KTN1: variants seen among roughly 807,000 people sequenced by gnomAD.
KTN1 encodes the protein kinectin.
A neutral mutation model predicts 222.5 loss-of-function variants in KTN1; 130 were observed. The ratio of observed to expected loss-of-function variants is 0.58; its 90% CI spans 0.51 to 0.68. KTN1 has a LOEUF of 0.68. KTN1 is among the 30% of genes least tolerant of loss of function. KTN1 has a pLI of 0.00. For synonymous variants in KTN1, 512 were observed against 496.3 expected, an observed-to-expected ratio of 1.03 and a Z score of -0.42; for missense variants, 1,508 against 1,500.4, an observed-to-expected ratio of 1.01 and a Z score of -0.08.
At chr14:55,644,464 C>G in intron 18 of KTN1, 1 of 695,370 alleles carries the variant, frequency 1.4e-6, no homozygotes, top group Non-Finnish European at 2.6e-6. Flanking sequence ...CTGTTGATAC[C>G]CTAAAGGAGG....
At chr14:55,623,639 A>AG (rs1232036162) in intron 5 of KTN1, among the ~76,000 whole-genome samples, 1 of 152,176 alleles carries the variant, frequency 6.6e-6, no homozygotes, top group Non-Finnish European at 1.5e-5. Flanking sequence ...CCAAAGTGCT[A>AG]GGATTACAGG....
In KTN1 at chr14:55,661,549, T is replaced by A; in HGVS notation, c.3027T>A (p.Ser1009Arg). The change falls in exon 32 of 44, where the codon AGT becomes AGA. Residue 1009 changes from serine to arginine, a missense_variant. Ser to Arg is a moderately radical substitution (Grantham distance 110, BLOSUM62 -1). Coordinates refer to ENST00000395314, the MANE Select transcript of KTN1 (RefSeq NM_001079521.2). Reference protein sequence around the residue: ...KVISEREKEISGLWNELDSLK... With the variant: ...KVISEREKEIRGLWNELDSLK... ...TTTCAGAAAGAGAGAAAGAAATAAGTGGTCTCTGGAATGAGTTAGATTCTT... is the reference window on the plus strand; with the variant it reads ...TTTCAGAAAGAGAGAAAGAAATAAGAGGTCTCTGGAATGAGTTAGATTCTT... 1.2e-6 allele frequency: 2 copies of A among 1,601,816 alleles called. No individual in the cohort carries two copies. Among genetic ancestry groups the A allele is most frequent in the Non-Finnish European group, 1.7e-6 (2 of 1,169,316 alleles).
chr14:55,647,420 A>AG (rs1047930413), intron 19 of KTN1, among the ~76,000 whole-genome samples: 3 of 150,684 alleles, frequency 2.0e-5, no homozygotes, highest in African/African-American at 7.4e-5. Flanking sequence ...GGATCACCTG[A>AG]GGTCAGGGGT....
At chr14:55,633,376 G>T in intron 8 of KTN1, 35 bp downstream of exon 8, 1 of 1,224,074 alleles carries the variant, frequency 8.2e-7, no homozygotes, top group South Asian at 1.6e-5. Flanking sequence ...TTAATTGAAT[G>T]GCAGAGTATT....
Position 55,634,591 on chromosome 14 carries a change from A to C in KTN1, c.1394A>C (p.Lys465Thr). 1.2e-6 allele frequency: 2 copies of C among 1,613,988 alleles called. No individual in the cohort carries two copies. The highest frequency in any genetic ancestry group is 1.7e-6 in the Non-Finnish European group (2 of 1,179,894). ...AGGTTGGTGAATGAGCTGACTGAGA[A>C]AACAGGAAAGCTACAGCAAGAGGAA... is the stretch of plus-strand genomic sequence containing the variant. The part of the protein sequence containing the change: ...YARLVNELTE[K>T]TGKLQQEEVQ... The change falls in exon 9 of 44, where the codon AAA becomes ACA. Residue 465 changes from lysine (K) to threonine (T), a missense_variant. Lys to Thr is a moderately conservative substitution (Grantham distance 78, BLOSUM62 -1). Transcript: ENST00000395314.
At chr14:55,645,029 G>C (rs910012134) in intron 18 of KTN1, among the ~76,000 whole-genome samples, 1 of 152,110 alleles carries the variant, frequency 6.6e-6, no homozygotes, top group African/African-American at 2.4e-5. Context: ...TCCTAATATG[G>C]AGATAGATAT....
At chr14:55,622,337 G>A (rs35560341) in intron 5 of KTN1, among the ~76,000 whole-genome samples, 34,596 of 151,918 alleles carry the variant, frequency 0.23, 4,344 homozygotes, top group East Asian at 0.38. Context: ...TGTTGTGTTT[G>A]TAATAGTACT....
chr14:55,601,190 A>G (rs2035922457), intron 1 of KTN1, among the ~76,000 whole-genome samples: 1 of 152,252 alleles, frequency 6.6e-6, no homozygotes, highest in Admixed American at 6.5e-5. Flanking sequence ...AGTTGTATTC[A>G]TTTCACATTG....
At position 55,612,580 on chromosome 14, in the gene KTN1, A is replaced by T; in HGVS notation, c.523+9A>T. The T allele has an allele frequency of 6.5e-7, 1 of 1,543,172 alleles. No homozygotes were observed. The highest frequency in any genetic ancestry group is 1.3e-5 in the South Asian group (1 of 78,198). ...GTCTAAAAATGGAAGCGGTATTGTA[A>T]TCTATTTAATCTATTTAATTTTATT... On this transcript the variant is annotated intron_variant, in intron 2 of 43. Transcript: ENST00000395314.
At chr14:55,651,658 G>C in intron 24 of KTN1, 1 of 497,702 alleles carries the variant, frequency 2.0e-6, no homozygotes, top group East Asian at 3.4e-5. Context: ...ACATTAGTTA[G>C]ACTTATTATT....
chr14:55,659,735 AGTC>A (rs1204967401), intron 31 of KTN1, 32 bp downstream of exon 31: 3 of 1,260,896 alleles, frequency 2.4e-6, no homozygotes, highest in Non-Finnish European at 3.5e-6. Context: ...CAGTTTATAA[AGTC>A]GTAACTATTT....
Position 55,678,428 on chromosome 14 carries a change from A to G in KTN1, c.3932A>G (p.Asp1311Gly), listed in dbSNP as rs556483924. 16 of 1,604,214 alleles carry G rather than the reference A, an allele frequency of 1.0e-5. No homozygotes were observed. The highest frequency in any genetic ancestry group is 1.7e-5 in the Admixed American group (1 of 59,992). The part of the protein sequence containing the change: ...AGDTTVIENS[D>G]VSPETESSEK... ...GACACTACTGTTATTGAAAATAGTG[A>G]TGTTTCCCCAGAAACGGTATGTATT... Residue 1311 changes from aspartate to glycine, a missense_variant, in exon 42 of 44, where the codon GAT becomes GGT. By Grantham distance (94) the Asp-to-Gly change is moderately conservative. Coordinates refer to ENST00000395314, the MANE Select transcript of KTN1 (RefSeq NM_001079521.2).
chr14:55,667,199 C>T (rs777855872), intron 33 of KTN1, 42 bp from the exon 34 acceptor site: 77 of 1,151,062 alleles, frequency 6.7e-5, no homozygotes, highest in Non-Finnish European at 2.5e-5. Context: ...TAAAAACATT[C>T]TGTGATCTTG....
At chr14:55,663,268 A>G (rs2044344272) in intron 32 of KTN1, 1 of 186,208 alleles carries the variant, frequency 5.4e-6, no homozygotes, top group Non-Finnish European at 1.1e-5. Context: ...AGCAGATTAT[A>G]TTTGTGAATG....
chr14:55,645,855 G>A (rs767037509), intron 18 of KTN1, among the ~76,000 whole-genome samples: 3 of 152,016 alleles, frequency 2.0e-5, no homozygotes, highest in Non-Finnish European at 2.9e-5. Context: ...TGTACAGAGT[G>A]GAATTTTAGG....
In KTN1 at chr14:55,658,586, A is replaced by G; in HGVS notation, c.2933A>G (p.Glu978Gly). ...DENKLFKSQI[E>G]QLKQQNYQQA... is the part of the protein sequence containing the mutation. ...AACAAATTGTTTAAGTCCCAAATTG[A>G]GCAGCTTAAACAACAAAACTACCAA... The change falls in exon 30 of 44, where the codon GAG becomes GGG. Residue 978 changes from glutamate (E) to glycine (G), a missense_variant. Coordinates refer to ENST00000395314, the MANE Select transcript of KTN1 (RefSeq NM_001079521.2). 1.2e-6 allele frequency: 2 copies of G among 1,607,236 alleles called. No individual in the cohort carries two copies. The highest frequency in any genetic ancestry group is 2.2e-5 in the South Asian group (2 of 90,292).
Position 55,658,531 on chromosome 14 carries a change from T to C in KTN1, c.2893-15T>C. 3 of 1,489,486 alleles carry C rather than the reference T, an allele frequency of 2.0e-6. No homozygotes were observed. The highest frequency in any genetic ancestry group is 1.8e-4 in the Middle Eastern group (1 of 5,578). 92.3% of individuals were successfully genotyped at this position (1,489,486 alleles called of 1,614,324 possible). A position where few individuals can be genotyped will look rare whatever the true frequency, so the allele number is the denominator to read the frequency against. On this transcript the variant is annotated splice_polypyrimidine_tract_variant and intron_variant, in intron 29 of 43. Coordinates refer to ENST00000395314, the MANE Select transcript of KTN1 (RefSeq NM_001079521.2). Reference sequence around the variant, plus strand: ...AATCTGTTTAGATACTGATGTTTAATTTTTATTTAATTAGGATGTACAAGA... The same window carrying C: ...AATCTGTTTAGATACTGATGTTTAACTTTTATTTAATTAGGATGTACAAGA...
rs2041489728 is a variant in KTN1 at position 55,639,210 on chromosome 14, A to G, written c.1811A>G (p.Glu604Gly). ...AQTSASVLAE[E>G]LHKVIAEKDK... ...ACCTCCGCTTCAGTTCTAGCAGAAG[A>G]ATTACATAAAGTGTAAGCCTACCTT... Residue 604 changes from glutamate to glycine, a missense_variant, in exon 13 of 44, where the codon GAA (glutamate) becomes GGA (glycine). Glu to Gly is a moderately conservative substitution (Grantham distance 98). Transcript: ENST00000395314. 1 of 1,604,520 alleles carries G rather than the reference A, an allele frequency of 6.2e-7. No individual in the cohort carries two copies. The highest frequency in any genetic ancestry group is 1.3e-5 in the African/African-American group (1 of 74,606).
chr14:55,644,239 T>C (rs2042072555), intron 18 of KTN1: 1 of 495,226 alleles, frequency 2.0e-6, no homozygotes, highest in Non-Finnish European at 3.6e-6. Context: ...ATTTCCACTT[T>C]TCTTTAACCC....
Sources: allele counts gnomAD v4.1 joint callset (sites outside exome capture counted in the v4.1 genomes callset), GRCh38; gene constraint gnomAD v4.1.1; transcripts MANE v1.5; gene names NCBI Gene and HGNC (gene_info 2026-07-23, HGNC 2026-07-21).